Variants in UTRN observed in about 807,000 individuals in gnomAD.
UTRN encodes utrophin.
Under a neutral mutation model 463.9 loss-of-function variants are expected in UTRN, and 283 were observed. The ratio of observed to expected loss-of-function variants is 0.61; its 90% confidence interval spans 0.55 to 0.67. The LOEUF is 0.67. Ranked by LOEUF, UTRN falls within the 30% of genes least tolerant of loss-of-function variation. UTRN has a pLI of 0.00. For missense variants in UTRN, 3,922 were observed against 4,084.3 expected, an observed-to-expected ratio of 0.96 and a Z score of 1.08; for synonymous variants, 1,442 against 1,431.5, an observed-to-expected ratio of 1.01 and a Z score of -0.17.
At chr6:144,342,973 G>A (rs778880465) in intron 2 of UTRN, among the ~76,000 whole-genome samples, 35 of 149,634 alleles carry the variant, frequency 2.3e-4, no homozygotes, top group Non-Finnish European at 4.0e-4. Context: ...GGAGACTGAG[G>A]CTTAGAGAGA....
At chr6:144,450,498 A>T (rs1788166159) in intron 17 of UTRN, among the ~76,000 whole-genome samples, 1 of 152,154 alleles carries the variant, frequency 6.6e-6, no homozygotes, top group African/African-American at 2.4e-5. Flanking sequence ...CCCCAATTGG[A>T]TTAGAAGCCA....
intron 52 of UTRN, among the ~76,000 whole-genome samples, chr6:144,693,197 G>A (rs1783615737): frequency 6.6e-6 from 1 of 152,118 alleles, no homozygotes; most frequent in Non-Finnish European, 1.5e-5. Flanking sequence ...AGATCATATA[G>A]TTGTAGCCAT....
chr6:144,348,449 G>T (rs1476638318), intron 2 of UTRN, among the ~76,000 whole-genome samples: 4 of 152,188 alleles, frequency 2.6e-5, no homozygotes, highest in African/African-American at 7.2e-5. Flanking sequence ...AAGGAACACA[G>T]AATTTGGAGT....
At chr6:144,289,228 C>G (rs1274506354) in intron 1 of UTRN, among the ~76,000 whole-genome samples, 3 of 152,212 alleles carry the variant, frequency 2.0e-5, no homozygotes, top group Non-Finnish European at 4.4e-5. Context: ...ATGACTCACA[C>G]TTCACCTAAT....
chr6:144,289,166 A>C (rs637232), intron 1 of UTRN, among the ~76,000 whole-genome samples: 58,997 of 151,964 alleles, frequency 0.39, 11,760 homozygotes, highest in South Asian at 0.48. Flanking sequence ...AATCCAAATC[A>C]CATTGATGAT....
At chr6:144,543,165 A>G (rs1384061963) in intron 46 of UTRN, among the ~76,000 whole-genome samples, 1 of 152,122 alleles carries the variant, frequency 6.6e-6, no homozygotes, top group Non-Finnish European at 1.5e-5. Flanking sequence ...TAGGTGCAAA[A>G]ACTGGGGACT....
intron 51 of UTRN, among the ~76,000 whole-genome samples, chr6:144,626,494 C>T (rs1775952282): frequency 6.6e-6 from 1 of 152,066 alleles, no homozygotes; most frequent in South Asian, 2.1e-4. Context: ...ACTCCACCTT[C>T]ATGAGTTAGA....
chr6:144,789,108 C>T, intron 61 of UTRN, 86 bp from the exon 62 acceptor site: 12 of 1,067,858 alleles, frequency 1.1e-5, no homozygotes, highest in East Asian at 5.1e-5. Context: ...ATGGTTTACC[C>T]CCAAGAAAAT....
intron 63 of UTRN, among the ~76,000 whole-genome samples, chr6:144,795,865 TTTTG>T (rs1485449718): frequency 2.0e-5 from 3 of 151,700 alleles, no homozygotes; most frequent in Non-Finnish European, 4.4e-5. Context: ...GTTGTTTTGT[TTTTG>T]TTTGTTTTTT....
intron 56 of UTRN, 42 bp from the exon 57 acceptor site, chr6:144,754,678 G>T: frequency 6.3e-7 from 1 of 1,589,782 alleles, no homozygotes; most frequent in South Asian, 1.1e-5. Flanking sequence ...TATTGTTTCG[G>T]AATCAAATTA....
chr6:144,728,280 A>G (rs778482424), intron 53 of UTRN, among the ~76,000 whole-genome samples: 7 of 152,088 alleles, frequency 4.6e-5, no homozygotes, highest in Non-Finnish European at 1.0e-4. Flanking sequence ...TTAGGTGATT[A>G]TGGAAGTAAA....
chr6:144,306,730 G>A (rs1436914919), intron 2 of UTRN, among the ~76,000 whole-genome samples: 1 of 151,950 alleles, frequency 6.6e-6, no homozygotes, highest in East Asian at 1.9e-4. Flanking sequence ...ACTTTCCTGA[G>A]TCATTTTTTG....
rs114379527 is a variant in UTRN at position 144,705,002 on chromosome 6, T to A, written c.7809+4759T>A. 7.9e-3 allele frequency among the ~76,000 whole-genome samples: 1,200 copies of A among 152,230 alleles called. 16 individuals are homozygous for A. Among genetic ancestry groups the A allele is most frequent in the African/African-American group, 0.027 (1,124 of 41,548 alleles). ...ACCCAAAAACATGAATTCTTCATAT[T>A]TTCTTTATAGGTTGTGACATTTGCT... On this transcript the variant is annotated intron_variant, in intron 53 of 74. Coordinates refer to ENST00000367545, the MANE Select transcript of UTRN (RefSeq NM_007124.3).
intron 63 of UTRN, among the ~76,000 whole-genome samples, chr6:144,796,279 A>G (rs567787402): frequency 2.0e-4 from 30 of 152,302 alleles, no homozygotes; most frequent in African/African-American, 6.3e-4. Context: ...CACTAACCTC[A>G]TTCAAGAGGG....
chr6:144,706,820 A>G (rs562321541), intron 53 of UTRN: 5 of 152,272 alleles, frequency 3.3e-5, no homozygotes, highest in Middle Eastern at 3.4e-3. Context: ...TCAATATGCT[A>G]AATTCTCCAC....
In UTRN at chr6:144,678,539, A is replaced by G. The variant is rs1781879042; in HGVS notation, c.7613A>G (p.Gln2538Arg). The change falls in exon 52 of 75, where the codon CAA (glutamine) becomes CGA (arginine). Residue 2538 changes from glutamine (Q) to arginine (R), a missense_variant. Physicochemically the swap from Gln to Arg is conservative, Grantham distance 43 (BLOSUM62 1). Coordinates refer to ENST00000367545, the MANE Select transcript of UTRN (RefSeq NM_007124.3). ...MLQHRLDDMN[Q>R]RWNDLKAKSA... ...CAACATCGACTGGATGATATGAACC[A>G]AAGATGGAATGACTTAAAAGCAAAA... The G allele has an allele frequency of 6.2e-7, 1 of 1,612,448 alleles. No individual in the cohort carries two copies.
intron 65 of UTRN, among the ~76,000 whole-genome samples, chr6:144,815,946 A>G (rs1455434278): frequency 1.3e-5 from 2 of 152,240 alleles, no homozygotes; most frequent in African/African-American, 2.4e-5. Context: ...TTCCCAATGA[A>G]TGGATACGGA....
At chr6:144,517,085 T>A in intron 39 of UTRN, 137 bp downstream of exon 39, 1 of 719,498 alleles carries the variant, frequency 1.4e-6, no homozygotes, top group Non-Finnish European at 2.0e-6. Context: ...TGTGTGTTAC[T>A]AGATGTGTTC....
chr6:144,396,841 A>T (rs1362442872), intron 2 of UTRN, among the ~76,000 whole-genome samples: 2 of 152,132 alleles, frequency 1.3e-5, no homozygotes, highest in Non-Finnish European at 2.9e-5. Context: ...TGGTCACAGG[A>T]TGGAATCCCA....
Sources: allele counts gnomAD v4.1 joint callset (sites outside exome capture counted in the v4.1 genomes callset), GRCh38; gene constraint gnomAD v4.1.1; transcripts MANE v1.5; gene names NCBI Gene and HGNC (gene_info 2026-07-23, HGNC 2026-07-21).